CUX1: variants seen among roughly 807,000 people sequenced by gnomAD.
CUX1 encodes protein CASP.
In CUX1, 31 loss-of-function variants were observed where a neutral mutation model predicts 158.8. The ratio of observed to expected loss-of-function variants is 0.20; its 90% confidence interval spans 0.15 to 0.26. The LOEUF (loss-of-function observed/expected upper bound fraction) is 0.26. Ranked by LOEUF, CUX1 falls within the 10% of genes least tolerant of loss-of-function variation. The pLI, the probability that CUX1 is intolerant of heterozygous loss-of-function variation, is 1.00. For missense variants in CUX1, 1,589 were observed against 2,014.6 expected (o/e 0.79, Z 4.04); for synonymous variants, 879 against 862.1 (o/e 1.02, Z -0.34).
intron 3 of CUX1, among the ~76,000 whole-genome samples, chr7:102,041,256 CTTTTTTTT>C (rs11427183): frequency 4.0e-4 from 28 of 69,916 alleles, no homozygotes; most frequent in South Asian, 1.5e-3. Context: ...CTTATCCATT[CTTTTTTTT>C]TTTTTTTTTT....
chr7:102,275,452 C>T (rs1415174061), intron 17 of CUX1: 18 of 1,018,782 alleles, frequency 1.8e-5, no homozygotes, highest in Admixed American at 4.8e-5. Flanking sequence ...TGGCACAGAC[C>T]GTAAACCTCA....
rs1178780538 is a variant in CUX1, at chr7:102,256,121, C to G, written c.*7079C>G. 3.0e-6 allele frequency: 3 copies of G among 985,282 alleles called. No homozygotes were observed. Among genetic ancestry groups the G allele is most frequent in the African/African-American group, 3.5e-5 (2 of 57,228 alleles). 61.0% of individuals were successfully genotyped at this position (985,282 alleles called of 1,614,324 possible). On this transcript the variant is annotated 3_prime_UTR_variant, in exon 24 of 24. Coordinates refer to ENST00000292535, the MANE Select transcript of CUX1 (RefSeq NM_181552.4). ...CACTGTGCTGGGCGTGCAGGGCCCG[C>G]GGGCTCTGGCCGGAGCCGCTGGCCT... is the stretch of plus-strand genomic sequence containing the variant.
intron 1 of CUX1, among the ~76,000 whole-genome samples, chr7:101,863,139 A>G (rs940776455): frequency 6.6e-6 from 1 of 152,172 alleles, no homozygotes; most frequent in Non-Finnish European, 1.5e-5. Context: ...AGGACTTTGC[A>G]AAAAGTACAA....
At position 102,082,873 on chromosome 7, in the gene CUX1, T is replaced by C. The variant is rs533265772; in HGVS notation, c.268+12456T>C. ...AACAGTTATGTTGACAGACATTTGGTTGGTTGTGGGTATTATGAATCAGTC... is the reference window on the plus strand; with the variant it reads ...AACAGTTATGTTGACAGACATTTGGCTGGTTGTGGGTATTATGAATCAGTC... On this transcript the variant is annotated intron_variant, in intron 4 of 23. Transcript: ENST00000292535. 8.1e-5 allele frequency among the ~76,000 whole-genome samples: 12 copies of C among 147,562 alleles called. 1 individual carries two copies. Among genetic ancestry groups the C allele is most frequent in the African/African-American group, 2.9e-4 (12 of 41,262 alleles).
At chr7:101,899,698 C>T (rs541694218) in intron 1 of CUX1, among the ~76,000 whole-genome samples, 28 of 152,256 alleles carry the variant, frequency 1.8e-4, no homozygotes, top group African/African-American at 3.6e-4. Context: ...TAAGAACTCA[C>T]GTCTAGAGTT....
At chr7:101,936,343 G>GA (rs1806930062) in intron 2 of CUX1, among the ~76,000 whole-genome samples, 2 of 152,134 alleles carry the variant, frequency 1.3e-5, no homozygotes, top group African/African-American at 2.4e-5. Context: ...TTTCAGGTGT[G>GA]ACGGGGGTGG....
intron 8 of CUX1, among the ~76,000 whole-genome samples, chr7:102,139,789 C>G (rs1834258802): frequency 6.6e-6 from 1 of 151,832 alleles, no homozygotes; most frequent in Non-Finnish European, 1.5e-5. Context: ...GTGGCTGGTT[C>G]TACAGGGGCA....
At position 102,264,004 on chromosome 7, in the gene CUX1, C is replaced by CT. The variant is rs60225596; in HGVS notation, c.1256-9343dup. Among the ~76,000 whole-genome samples, 366 of 100,952 alleles carry CT rather than the reference C, an allele frequency of 3.6e-3. 1 individual carries two copies. The highest frequency in any genetic ancestry group is 6.3e-3 in the African/African-American group (164 of 25,902). The allele number at this position is 100,952 out of a possible 152,430, so 66.2% of individuals were successfully genotyped here. On this transcript the variant is annotated intron_variant, in intron 14 of 22. Transcript: ENST00000292538. ...ACTATTCCCAGACAGAAGTTAACTT[C>CT]TTTTTTTTTTTTTTTTTTTGAGACG... is the stretch of plus-strand genomic sequence containing the variant.
At chr7:102,148,691 TTATA>T (rs1180566580) in intron 8 of CUX1, among the ~76,000 whole-genome samples, 2 of 148,102 alleles carry the variant, frequency 1.4e-5, no homozygotes, top group African/African-American at 2.5e-5. Flanking sequence ...AATGTATGTG[TTATA>T]TATATATAAT....
At chr7:102,180,079 A>G (rs1351464240) in intron 11 of CUX1, among the ~76,000 whole-genome samples, 1 of 152,086 alleles carries the variant, frequency 6.6e-6, no homozygotes, top group Non-Finnish European at 1.5e-5. Context: ...ACTGGAATGC[A>G]ATGGCGCAGT....
chr7:102,181,791 C>T (rs970831787), intron 11 of CUX1, among the ~76,000 whole-genome samples: 3 of 152,176 alleles, frequency 2.0e-5, no homozygotes, highest in Non-Finnish European at 4.4e-5. Context: ...GGTTTCCTCT[C>T]GCCCCAAAGG....
intron 8 of CUX1, among the ~76,000 whole-genome samples, chr7:102,150,018 TTCGCTTGA>T (rs1158708464): frequency 6.6e-6 from 1 of 152,014 alleles, no homozygotes; most frequent in Non-Finnish European, 1.5e-5. Context: ...AAGGGGAGAG[TTCGCTTGA>T]TCAAACCTAA....
chr7:102,002,383 A>G (rs1816783461), intron 2 of CUX1, among the ~76,000 whole-genome samples: 1 of 152,262 alleles, frequency 6.6e-6, no homozygotes, highest in African/African-American at 2.4e-5. Flanking sequence ...AGGGGAGAGG[A>G]ACTGAGATTG....
chr7:102,283,917 T>C (rs1319737142), exon 23 of CUX1: 1 of 152,260 alleles, frequency 6.6e-6, no homozygotes, highest in Non-Finnish European at 1.5e-5. Flanking sequence ...TGTAGTTGCA[T>C]ATTTAGCTTT....
chr7:101,948,201 T>C (rs762370813), intron 2 of CUX1, among the ~76,000 whole-genome samples: 2 of 152,234 alleles, frequency 1.3e-5, no homozygotes, highest in African/African-American at 2.4e-5. Flanking sequence ...AAGTTCCAAC[T>C]TTCCATAGTA....
At chr7:102,089,757 C>T (rs1484288953) in intron 4 of CUX1, among the ~76,000 whole-genome samples, 1 of 152,196 alleles carries the variant, frequency 6.6e-6, no homozygotes, top group Non-Finnish European at 1.5e-5. Context: ...AGCTCTTGTC[C>T]CTCCTTTTCA....
intron 8 of CUX1, among the ~76,000 whole-genome samples, chr7:102,132,335 CACACGCAT>C: frequency 6.7e-6 from 1 of 150,230 alleles, no homozygotes; most frequent in Non-Finnish European, 1.5e-5. Flanking sequence ...ACGCCACGCA[CACACGCAT>C]CTTTACAGAA....
chr7:101,847,575 A>G (rs914536258), intron 1 of CUX1, among the ~76,000 whole-genome samples: 1 of 152,120 alleles, frequency 6.6e-6, no homozygotes, highest in Non-Finnish European at 1.5e-5. Flanking sequence ...GTGAGACTCA[A>G]CGTATGGCAG....
chr7:101,875,549 A>T (rs73403612), intron 1 of CUX1, among the ~76,000 whole-genome samples: 1,879 of 151,770 alleles, frequency 0.012, 41 homozygotes, highest in African/African-American at 0.042. Flanking sequence ...TGTGCCTGCT[A>T]CTCCACCTCC....
Sources: allele counts gnomAD v4.1 joint callset (sites outside exome capture counted in the v4.1 genomes callset), GRCh38; gene constraint gnomAD v4.1.1; transcripts MANE v1.5; gene names NCBI Gene and HGNC (gene_info 2026-07-23, HGNC 2026-07-21).